The following SRP54 variants were observed in gnomAD, a reference collection of about 807,000 sequenced individuals.
SRP54 encodes signal recognition particle 54.
Under a neutral mutation model 64.8 loss-of-function variants are expected in SRP54, and 10 were observed. The ratio of observed to expected loss-of-function variants is 0.15; its 90% CI spans 0.10 to 0.26. SRP54 has a LOEUF of 0.26. SRP54 is among the 10% of genes least tolerant of loss of function. The pLI is 1.00. For synonymous variants in SRP54, 193 were observed against 185.6 expected, an observed-to-expected ratio of 1.04 and a Z score of -0.32; for missense variants, 325 against 613.7, an observed-to-expected ratio of 0.53 and a Z score of 4.97.
At chr14:35,002,511 C>T (rs1214627015) in intron 4 of SRP54, among the ~76,000 whole-genome samples, 1 of 151,686 alleles carries the variant, frequency 6.6e-6, no homozygotes, top group African/African-American at 2.4e-5. Flanking sequence ...CTGCTCACTG[C>T]AACCTCTGCC....
intron 13 of SRP54, among the ~76,000 whole-genome samples, chr14:35,021,719 G>A (rs2139021849): frequency 6.6e-6 from 1 of 152,270 alleles, no homozygotes. Context: ...CCACGTAAAT[G>A]GATTTCAATT....
intron 7 of SRP54, among the ~76,000 whole-genome samples, chr14:35,009,861 C>T (rs929638767): frequency 6.6e-6 from 1 of 151,940 alleles, no homozygotes; most frequent in Admixed American, 6.6e-5. Flanking sequence ...GACCTCATCT[C>T]TACAAAAAAT....
At chr14:35,006,122 A>T (rs997812477) in intron 4 of SRP54, among the ~76,000 whole-genome samples, 2 of 151,802 alleles carry the variant, frequency 1.3e-5, no homozygotes, top group African/African-American at 4.8e-5. Context: ...TACAGGCATG[A>T]GCCACCGCGC....
intron 4 of SRP54, among the ~76,000 whole-genome samples, chr14:35,005,311 T>C (rs1305043564): frequency 6.6e-6 from 1 of 152,146 alleles, no homozygotes; most frequent in Non-Finnish European, 1.5e-5. Context: ...CATTCTAGCC[T>C]GGGTAACAGA....
intron 1 of SRP54, among the ~76,000 whole-genome samples, chr14:34,985,616 T>C (rs1025309719): frequency 6.6e-6 from 1 of 152,220 alleles, no homozygotes; most frequent in African/African-American, 2.4e-5. Context: ...TGTTACACTG[T>C]ATCTAAAGAT....
chr14:34,990,428 A>AC (rs2043961021), intron 1 of SRP54, among the ~76,000 whole-genome samples: 1 of 152,110 alleles, frequency 6.6e-6, no homozygotes, highest in South Asian at 2.1e-4. Context: ...TTGGCAGGGA[A>AC]CGGCTGTTCT....
intron 1 of SRP54, among the ~76,000 whole-genome samples, chr14:34,993,819 C>T (rs1395011185): frequency 6.6e-6 from 1 of 151,862 alleles, no homozygotes; most frequent in Non-Finnish European, 1.5e-5. Context: ...TCTCAGCCTC[C>T]CAAGTAGCTG....
intron 1 of SRP54, among the ~76,000 whole-genome samples, chr14:34,989,373 G>C (rs1049292036): frequency 3.3e-5 from 5 of 152,058 alleles, no homozygotes; most frequent in Non-Finnish European, 5.9e-5. Context: ...TGGGCGTGGT[G>C]GTGGGCACCT....
intron 4 of SRP54, among the ~76,000 whole-genome samples, chr14:35,006,223 A>AT (rs2044255309): frequency 6.6e-6 from 1 of 152,128 alleles, no homozygotes; most frequent in African/African-American, 2.4e-5. Flanking sequence ...GTTGATTATT[A>AT]TTTTTTACTA....
chr14:35,016,044 G>A (rs1039563058), intron 11 of SRP54, among the ~76,000 whole-genome samples: 2 of 152,008 alleles, frequency 1.3e-5, no homozygotes, highest in African/African-American at 4.8e-5. Context: ...TCCTCACTCT[G>A]CCCACTCCTT....
At position 35,029,341 on chromosome 14, in the gene SRP54, G is replaced by T; in HGVS notation, c.*189G>T. On this transcript the variant is annotated 3_prime_UTR_variant, in exon 16 of 16. Coordinates refer to ENST00000216774, the MANE Select transcript of SRP54 (RefSeq NM_003136.4). ...CCTTCTTTCCTCCCTTTAATATAAG[G>T]GAGAAATACATGGTTTTTGTGGAAA... The T allele has an allele frequency of 2.3e-6, 1 of 442,310 alleles. No individual in the cohort carries two copies. The highest frequency in any genetic ancestry group is 4.0e-5 in the South Asian group (1 of 24,770). 27.4% of individuals were successfully genotyped at this position (442,310 alleles called of 1,614,324 possible). A position where few individuals can be genotyped will look rare whatever the true frequency, so the allele number is the denominator to read the frequency against.
intron 14 of SRP54, among the ~76,000 whole-genome samples, chr14:35,024,147 C>T (rs1476408830): frequency 6.6e-6 from 1 of 152,068 alleles, no homozygotes; most frequent in Non-Finnish European, 1.5e-5. Context: ...CCTGCCTCAG[C>T]CTCCCGAGTA....
Position 35,007,657 on chromosome 14 carries a change from A to T in SRP54, c.360+270A>T, listed in dbSNP as rs2044284022. ...ATTTATATTATAATAAAATATATTT[A>T]CATAAAATAGATTTTATTAAAATAT... is the stretch of plus-strand genomic sequence containing the variant. On this transcript the variant is annotated intron_variant, in intron 5 of 15. Coordinates refer to ENST00000216774, the MANE Select transcript of SRP54 (RefSeq NM_003136.4). 3.0e-5 allele frequency among the ~76,000 whole-genome samples: 3 copies of T among 100,126 alleles called. No individual in the cohort carries two copies. The Admixed American group carries it at 3.1e-4, about 10-fold the overall frequency. 65.7% of individuals were successfully genotyped at this position (100,126 alleles called of 152,430 possible).
chr14:34,983,007 C>T lies in SRP54; in HGVS notation c.-242C>T, dbSNP rs1174172282. 3.3e-5 allele frequency: 5 copies of T among 152,414 alleles called. No individual in the cohort carries two copies. The highest frequency in any genetic ancestry group is 3.3e-4 in the Admixed American group (5 of 15,290). 9.4% of individuals were successfully genotyped at this position (152,414 alleles called of 1,614,324 possible). A position where few individuals can be genotyped will look rare whatever the true frequency, so the allele number is the denominator to read the frequency against. Reference sequence around the variant, plus strand: ...ACGTTTCCTCATTGGGCGGAAGGTTCGCTGGCACTCCGTTGGTCTTCCAGC... The same window carrying T: ...ACGTTTCCTCATTGGGCGGAAGGTTTGCTGGCACTCCGTTGGTCTTCCAGC... On this transcript the variant is annotated 5_prime_UTR_variant, in exon 1 of 16. Transcript: ENST00000216774.
chr14:35,028,392 T>C (rs1244517261), intron 15 of SRP54, among the ~76,000 whole-genome samples: 1 of 152,210 alleles, frequency 6.6e-6, no homozygotes, highest in African/African-American at 2.4e-5. Flanking sequence ...ATCTGTGTGA[T>C]GTTTGAGCAA....
intron 2 of SRP54, 144 bp downstream of exon 2, chr14:34,996,931 A>G (rs540100242): frequency 4.1e-6 from 2 of 489,202 alleles, no homozygotes; most frequent in Non-Finnish European, 7.2e-6. Flanking sequence ...GGATACAGTA[A>G]GTAGTGTTTT....
chr14:34,984,796 C>G (rs561293150), intron 1 of SRP54, among the ~76,000 whole-genome samples: 3 of 152,266 alleles, frequency 2.0e-5, no homozygotes, highest in Middle Eastern at 3.4e-3. Context: ...GCCACCATGC[C>G]CTGCCTAAAC....
chr14:35,020,933 T>G (rs576623262), intron 13 of SRP54, among the ~76,000 whole-genome samples: 1 of 152,336 alleles, frequency 6.6e-6, no homozygotes, highest in African/African-American at 2.4e-5. Flanking sequence ...TTAACGCCCC[T>G]TCCTCTATTT....
At chr14:34,984,908 CTTTTTT>C (rs34789836) in intron 1 of SRP54, among the ~76,000 whole-genome samples, 3 of 141,516 alleles carry the variant, frequency 2.1e-5, no homozygotes, top group African/African-American at 5.2e-5. Flanking sequence ...CTTCACCTTC[CTTTTTT>C]TTTTTTTTTT....
Sources: gnomAD v4.1 joint callset for allele counts (sites outside exome capture counted in the v4.1 genomes callset) on GRCh38, gnomAD v4.1.1 for gene constraint, MANE v1.5 for transcripts, NCBI Gene and HGNC (gene_info 2026-07-23, HGNC 2026-07-21) for gene names.